CCDC33: variants seen among roughly 807,000 people sequenced by gnomAD.
CCDC33 encodes coiled-coil domain-containing protein 33.
In CCDC33, 94 loss-of-function variants were observed where a neutral mutation model predicts 91.9. That is an observed-to-expected ratio of 1.02 (90% CI 0.87 to 1.21). The LOEUF is 1.21. CCDC33 is among the 50% of genes most tolerant of loss of function. The pLI, the probability that CCDC33 is intolerant of heterozygous loss-of-function variation, is 0.00. For synonymous variants in CCDC33, 396 were observed against 374.5 expected (o/e 1.06, Z -0.66); for missense variants, 940 against 935.5 (o/e 1.00, Z -0.06).
chr15:74,217,809 T>C (rs2074486990), intron 1 of CCDC33, among the ~76,000 whole-genome samples: 1 of 151,640 alleles, frequency 6.6e-6, no homozygotes, highest in Non-Finnish European at 1.5e-5. Context: ...CAAGGTCAGG[T>C]GAGAAGGAAA....
intron 2 of CCDC33, among the ~76,000 whole-genome samples, chr15:74,245,360 C>A (rs1258855472): frequency 6.6e-6 from 1 of 152,212 alleles, no homozygotes. Context: ...GCCTTAAAAG[C>A]CCCATTTGTG....
At chr15:74,225,818 A>G (rs1407544067) in intron 2 of CCDC33, among the ~76,000 whole-genome samples, 1 of 152,122 alleles carries the variant, frequency 6.6e-6, no homozygotes, top group Non-Finnish European at 1.5e-5. Flanking sequence ...GGCTGACAGC[A>G]CCCAGTGAGC....
At chr15:74,302,141 T>C (rs1338193239) in intron 11 of CCDC33, 2 of 152,082 alleles carry the variant, frequency 1.3e-5, no homozygotes, top group African/African-American at 4.8e-5. Context: ...GCATACCGCT[T>C]TTGTTTCTCT....
intron 2 of CCDC33, among the ~76,000 whole-genome samples, chr15:74,246,501 A>G (rs995818173): frequency 3.9e-5 from 6 of 152,376 alleles, no homozygotes; most frequent in Non-Finnish European, 7.3e-5. Flanking sequence ...AATTTAAAAA[A>G]TGAGAAAAAG....
At chr15:74,221,216 G>GATT in intron 2 of CCDC33, 1 of 674,600 alleles carries the variant, frequency 1.5e-6, no homozygotes, top group South Asian at 8.1e-5. Flanking sequence ...TGTGGCACTG[G>GATT]TTTTTTTTTT....
chr15:74,211,494 G>A (rs902242774), intron 2 of CCDC33, among the ~76,000 whole-genome samples: 2 of 149,416 alleles, frequency 1.3e-5, no homozygotes, highest in Non-Finnish European at 3.0e-5. Context: ...TCCGCCTCCT[G>A]GGTTCAAGCG....
chr15:74,308,907 T>C (rs986227469), intron 11 of CCDC33, among the ~76,000 whole-genome samples: 1 of 152,022 alleles, frequency 6.6e-6, no homozygotes, highest in African/African-American at 2.4e-5. Flanking sequence ...AGTAGGGAGC[T>C]GCCACGCTGG....
rs1254264039 is a variant in CCDC33, at chr15:74,279,903, T to G, written c.760-60T>G. On this transcript the variant is annotated intron_variant, in intron 7 of 18. Transcript: ENST00000398814. Reference sequence around the variant, plus strand: ...AGATACACAAAACCAAATATCTGTGTATGCCTTGATTTGGGAGAAGCTGTG... The same window carrying G: ...AGATACACAAAACCAAATATCTGTGGATGCCTTGATTTGGGAGAAGCTGTG... The G allele has an allele frequency of 3.8e-6, 6 of 1,574,922 alleles. No individual in the cohort carries two copies. The African/African-American group carries it at 6.8e-5, about 18-fold the overall frequency.
Position 74,272,865 on chromosome 15 carries a change from C to A in CCDC33, c.733C>A (p.Arg245Ser). ...GTCCATGATGAACTTTGACGTGCCTCGCGTCAGCCAGAACGGATGCCCTCA... is the reference window on the plus strand; with the variant it reads ...GTCCATGATGAACTTTGACGTGCCTAGCGTCAGCCAGAACGGATGCCCTCA... ...IPSMMNFDVP[R>S]VSQNGCPQLS... is the part of the protein sequence containing the mutation. Residue 245 changes from arginine (R) to serine (S), a missense_variant, in exon 7 of 19, where the codon CGC becomes AGC. Arg to Ser is a moderately radical substitution (Grantham distance 110, BLOSUM62 -1). Transcript: ENST00000398814. The A allele has an allele frequency of 1.2e-6, 2 of 1,614,202 alleles. No individual in the cohort carries two copies. Among genetic ancestry groups the A allele is most frequent in the Admixed American group, 3.3e-5 (2 of 60,032 alleles).
intron 3 of CCDC33, among the ~76,000 whole-genome samples, chr15:74,263,961 C>A (rs143001530): frequency 6.6e-6 from 1 of 151,866 alleles, no homozygotes; most frequent in Admixed American, 6.5e-5. Flanking sequence ...GATGAGTGGA[C>A]CTGAGCTGGG....
At chr15:74,265,745 C>T (rs577689532) in intron 3 of CCDC33, among the ~76,000 whole-genome samples, 83 of 152,338 alleles carry the variant, frequency 5.4e-4, no homozygotes, top group Middle Eastern at 3.4e-3. Flanking sequence ...TTTTACCGGC[C>T]GGGTGCGGTG....
intron 1 of CCDC33, among the ~76,000 whole-genome samples, chr15:74,207,391 C>T (rs1179166104): frequency 6.6e-6 from 1 of 152,110 alleles, no homozygotes; most frequent in Non-Finnish European, 1.5e-5. Context: ...CCCAAGAAGC[C>T]CCAGACCTTC....
At chr15:74,230,432 G>A (rs914764208) in intron 2 of CCDC33, among the ~76,000 whole-genome samples, 2 of 152,106 alleles carry the variant, frequency 1.3e-5, no homozygotes, top group African/African-American at 2.4e-5. Context: ...CTTGTTACAC[G>A]AGTTATTGAT....
chr15:74,248,003 G>T (rs572770954), intron 2 of CCDC33, among the ~76,000 whole-genome samples: 1 of 152,130 alleles, frequency 6.6e-6, no homozygotes. Flanking sequence ...CTTGAATCTG[G>T]GAGGTGGAGG....
chr15:74,241,277 T>A (rs2075340270), intron 1 of CCDC33, among the ~76,000 whole-genome samples: 2 of 152,114 alleles, frequency 1.3e-5, no homozygotes, highest in Non-Finnish European at 1.5e-5. Flanking sequence ...CTGGGGGGCA[T>A]GTATTCTCAC....
At chr15:74,214,983 T>A (rs1399134362), upstream of CCDC33, among the ~76,000 whole-genome samples, 1 of 152,178 alleles carries the variant, frequency 6.6e-6, no homozygotes, top group Non-Finnish European at 1.5e-5. Context: ...CACACAAACA[T>A]GATTCCTGAA....
chr15:74,238,949 C>T (rs1465846805), intron 1 of CCDC33, among the ~76,000 whole-genome samples: 1 of 152,212 alleles, frequency 6.6e-6, no homozygotes, highest in African/African-American at 2.4e-5. Context: ...GAGTGTGCTT[C>T]CTCACCTGTG....
intron 7 of CCDC33, among the ~76,000 whole-genome samples, chr15:74,278,127 C>T (rs2076496916): frequency 6.6e-6 from 1 of 152,230 alleles, no homozygotes; most frequent in Non-Finnish European, 1.5e-5. Flanking sequence ...CCCATCATTG[C>T]AGTCTCTGTT....
chr15:74,333,665 C>T (rs2060490774), intron 16 of CCDC33, among the ~76,000 whole-genome samples: 1 of 152,198 alleles, frequency 6.6e-6, no homozygotes, highest in Non-Finnish European at 1.5e-5. Flanking sequence ...TTCGTATTCT[C>T]AAAATCTGTG....
Sources: gnomAD v4.1 joint callset for allele counts (sites outside exome capture counted in the v4.1 genomes callset) on GRCh38, gnomAD v4.1.1 for gene constraint, MANE v1.5 for transcripts, NCBI Gene and HGNC (gene_info 2026-07-23, HGNC 2026-07-21) for gene names.